Variants in IL18RAP observed in about 807,000 individuals in gnomAD.
IL18RAP encodes interleukin-18 receptor accessory protein.
Under a neutral mutation model 58.1 loss-of-function variants are expected in IL18RAP, and 37 were observed. The observed-to-expected ratio is 0.64, with a 90% confidence interval of 0.49 to 0.84. IL18RAP has a LOEUF of 0.84. Among genes scored for constraint, IL18RAP ranks in the 40% least tolerant of loss-of-function variants. The pLI is 0.00. For synonymous variants in IL18RAP, 268 were observed against 257.5 expected, an observed-to-expected ratio of 1.04 and a Z score of -0.39; for missense variants, 667 against 704.8, an observed-to-expected ratio of 0.95 and a Z score of 0.61.
chr2:102,446,787 T>A (rs574166374), intron 7 of IL18RAP, among the ~76,000 whole-genome samples: 94 of 119,824 alleles, frequency 7.8e-4, no homozygotes, highest in Non-Finnish European at 1.3e-3. Flanking sequence ...ACATACAGAC[T>A]CCGTCTCCAA....
In IL18RAP at chr2:102,445,267, G is replaced by C. The variant is rs758771591; in HGVS notation, c.999G>C (p.Arg333Ser). The C allele has an allele frequency of 2.5e-6, 4 of 1,614,038 alleles. No homozygotes were observed. The East Asian group carries it at 8.9e-5, about 36-fold the overall frequency. The change falls in exon 7 of 10, where the codon AGG (arginine) becomes AGC (serine). Residue 333 changes from arginine (R) to serine (S), a missense_variant. By Grantham distance (110) the Arg-to-Ser change is moderately radical. Transcript: ENST00000687160. ...AAGTCACTCAGCGTGATCTTCGCAG[G>C]AAGTTTGTTTGCTTTGTCCAGAACT... ...LEKVTQRDLR[R>S]KFVCFVQNSI...
intron 4 of IL18RAP, chr2:102,438,840 G>A (rs1022335296): frequency 6.6e-6 from 1 of 152,242 alleles, no homozygotes; most frequent in Non-Finnish European, 1.5e-5. Context: ...TCCATTTTGA[G>A]AAGAAGACAA....
chr2:102,448,608 A>G (rs1683573347), intron 8 of IL18RAP, among the ~76,000 whole-genome samples: 1 of 152,162 alleles, frequency 6.6e-6, no homozygotes, highest in Non-Finnish European at 1.5e-5. Context: ...GTGCGTTCCC[A>G]AACTAGGAAT....
intron 6 of IL18RAP, among the ~76,000 whole-genome samples, chr2:102,443,822 T>C (rs915829446): frequency 6.6e-6 from 1 of 152,202 alleles, no homozygotes. Flanking sequence ...AGAGGAGGGC[T>C]CTCTGTCTTG....
At chr2:102,450,071 AG>A (rs1397681740) in intron 8 of IL18RAP, among the ~76,000 whole-genome samples, 1 of 152,156 alleles carries the variant, frequency 6.6e-6, no homozygotes, top group Admixed American at 6.5e-5. Flanking sequence ...ATACTTTGAC[AG>A]GGATTGTGGA....
At chr2:102,435,174 A>C (rs1480847497) in intron 3 of IL18RAP, 1 of 152,158 alleles carries the variant, frequency 6.6e-6, no homozygotes, top group Non-Finnish European at 1.5e-5. Flanking sequence ...GTGGGAGCTG[A>C]GAGTTCTTAA....
In IL18RAP at chr2:102,449,146, T is replaced by C. The variant is rs576462123; in HGVS notation, c.1211-1702T>C. On this transcript the variant is annotated intron_variant, in intron 8 of 9. Coordinates refer to ENST00000687160, the MANE Select transcript of IL18RAP (RefSeq NM_001393487.1). Reference sequence around the variant, plus strand: ...AGCCAGGCTTGGTGGCAGGCACCTGTAATCCCAGCTACTCAGGAGGCTGAG... The same window carrying C: ...AGCCAGGCTTGGTGGCAGGCACCTGCAATCCCAGCTACTCAGGAGGCTGAG... 4.6e-5 allele frequency among the ~76,000 whole-genome samples: 7 copies of C among 151,800 alleles called. 1 individual carries two copies. Among genetic ancestry groups the C allele is most frequent in the Admixed American group, 2.6e-4 (4 of 15,236 alleles).
At chr2:102,438,880 A>G (rs1219757829) in intron 4 of IL18RAP, 1 of 152,310 alleles carries the variant, frequency 6.6e-6, no homozygotes, top group Non-Finnish European at 1.5e-5. Flanking sequence ...AATACAGTGC[A>G]GCAAGAGAAA....
chr2:102,451,100 T>C, intron 9 of IL18RAP, 79 bp downstream of exon 9: 1 of 1,217,688 alleles, frequency 8.2e-7, no homozygotes, highest in Non-Finnish European at 1.1e-6. Flanking sequence ...TTGTCATTCT[T>C]TGTTTTGGAA....
chr2:102,431,645 T>C (rs1316804758), intron 3 of IL18RAP, among the ~76,000 whole-genome samples: 1 of 152,122 alleles, frequency 6.6e-6, no homozygotes, highest in Non-Finnish European at 1.5e-5. Flanking sequence ...ATCTCTGACA[T>C]CACGGATGCT....
chr2:102,445,715 A>G (rs6748390), intron 7 of IL18RAP, among the ~76,000 whole-genome samples: 42,433 of 152,086 alleles, frequency 0.28, 6,270 homozygotes, highest in Middle Eastern at 0.33. Flanking sequence ...TGGCTTTCAA[A>G]TCCAAAGGAC....
At chr2:102,442,129 GC>G (rs1342260918) in intron 5 of IL18RAP, among the ~76,000 whole-genome samples, 1 of 152,074 alleles carries the variant, frequency 6.6e-6, no homozygotes, top group African/African-American at 2.4e-5. Flanking sequence ...TACAACCCCT[GC>G]CCAAACAATT....
chr2:102,440,918 G>A (rs1029086036), intron 4 of IL18RAP, among the ~76,000 whole-genome samples: 2 of 152,136 alleles, frequency 1.3e-5, no homozygotes, highest in African/African-American at 4.8e-5. Flanking sequence ...GGGTGGACTC[G>A]GATATGCTTG....
chr2:102,422,223 C>A (rs754555913), upstream of IL18RAP, among the ~76,000 whole-genome samples: 6 of 152,188 alleles, frequency 3.9e-5, no homozygotes, highest in Non-Finnish European at 7.3e-5. Flanking sequence ...TGCCCAACTC[C>A]TCTGCAGCTT....
upstream of IL18RAP, chr2:102,423,136 C>G: frequency 4.8e-6 from 4 of 836,582 alleles, no homozygotes; most frequent in Non-Finnish European, 7.9e-6. Flanking sequence ...GCACTTTGTT[C>G]ACTGGTTCTG....
chr2:102,447,386 A>C (rs1683491661), intron 8 of IL18RAP, among the ~76,000 whole-genome samples, 179 bp downstream of exon 8: 1 of 152,178 alleles, frequency 6.6e-6, no homozygotes, highest in Non-Finnish European at 1.5e-5. Flanking sequence ...GAAGAAAGAA[A>C]TGTCCCCACT....
At chr2:102,443,122 C>T (rs901613276) in intron 5 of IL18RAP, 78 bp from the exon 6 acceptor site, 113 of 1,428,730 alleles carry the variant, frequency 7.9e-5, no homozygotes, top group African/African-American at 1.3e-4. Context: ...CAGCTTCTGG[C>T]GACGTCTTCC....
At chr2:102,445,602 A>G (rs960804465) in intron 7 of IL18RAP, among the ~76,000 whole-genome samples, 1 of 152,242 alleles carries the variant, frequency 6.6e-6, no homozygotes, top group African/African-American at 2.4e-5. Flanking sequence ...CAACTCATTC[A>G]TGCACTCATT....
intron 3 of IL18RAP, among the ~76,000 whole-genome samples, chr2:102,432,138 C>A (rs1322954968): frequency 6.6e-6 from 1 of 151,962 alleles, no homozygotes; most frequent in Non-Finnish European, 1.5e-5. Flanking sequence ...TGGTAGCAAT[C>A]CCAGATAAGC....
Sources: gnomAD v4.1 joint callset for allele counts (sites outside exome capture counted in the v4.1 genomes callset) on GRCh38, gnomAD v4.1.1 for gene constraint, MANE v1.5 for transcripts, NCBI Gene and HGNC (gene_info 2026-07-23, HGNC 2026-07-21) for gene names.